IL1RAPL2: variants seen among roughly 807,000 people sequenced by gnomAD.
IL1RAPL2 encodes interleukin 1 receptor accessory protein like 2, also known as X-linked interleukin-1 receptor accessory protein-like 2.
Under a neutral mutation model 44.1 loss-of-function variants are expected in IL1RAPL2, and 3 were observed. The ratio of observed to expected loss-of-function variants is 0.07; its 90% CI spans 0.03 to 0.18. The LOEUF (loss-of-function observed/expected upper bound fraction) is 0.18, where lower values mean the gene tolerates loss of function less well. Among genes scored for constraint, IL1RAPL2 ranks in the 10% least tolerant of loss-of-function variants. The pLI is 1.00. For synonymous variants in IL1RAPL2, 181 were observed against 178.8 expected, an observed-to-expected ratio of 1.01 and a Z score of -0.10; for missense variants, 391 against 496.4, an observed-to-expected ratio of 0.79 and a Z score of 2.02.
chrX:105,125,774 C>T (rs73529903), intron 2 of IL1RAPL2, among the ~76,000 whole-genome samples: 6,404 of 109,979 alleles, frequency 0.058, 482 homozygotes, highest in African/African-American at 0.2. Context: ...GGAGAGCCAA[C>T]TTTTCCTATA....
chrX:104,645,508 C>A (rs754140701), intron 1 of IL1RAPL2, among the ~76,000 whole-genome samples: 28 of 112,016 alleles, frequency 2.5e-4, no homozygotes, highest in Middle Eastern at 4.6e-3. Flanking sequence ...CTTTTTAGAA[C>A]GATCTTTCCT....
At chrX:105,506,988 CTT>C (rs1172011965) in intron 6 of IL1RAPL2, among the ~76,000 whole-genome samples, 5 of 111,873 alleles carry the variant, frequency 4.5e-5, no homozygotes, top group African/African-American at 1.6e-4. Context: ...GAATTTCCCT[CTT>C]TCTTTCAACA....
rs192664932 is a variant in IL1RAPL2, at chrX:105,155,399, G to A, written c.83-40076G>A. Among the ~76,000 whole-genome samples, 226 of 111,073 alleles carry A rather than the reference G, an allele frequency of 2.0e-3. 1 individual carries two copies. The highest frequency in any genetic ancestry group is 7.1e-3 in the African/African-American group (217 of 30,536). On this transcript the variant is annotated intron_variant, in intron 2 of 10. Transcript: ENST00000372582. Reference sequence around the variant, plus strand: ...GGCATTTAAGATTGGGGAAAACTGGGTGAACAGAAGCTTGGGATGGAAATG... The same window carrying A: ...GGCATTTAAGATTGGGGAAAACTGGATGAACAGAAGCTTGGGATGGAAATG...
At chrX:105,111,213 T>C in intron 2 of IL1RAPL2, among the ~76,000 whole-genome samples, 1 of 112,091 alleles carries the variant, frequency 8.9e-6, no homozygotes, top group Non-Finnish European at 1.9e-5. Context: ...AAAATGTTTT[T>C]TAATCATTCA....
chrX:105,704,398 A>T (rs893669455), intron 6 of IL1RAPL2, among the ~76,000 whole-genome samples: 1 of 111,892 alleles, frequency 8.9e-6, no homozygotes, highest in African/African-American at 3.2e-5. Flanking sequence ...TAATGGTACC[A>T]TACATAGGCT....
chrX:105,275,140 G>A (rs1313924312), intron 5 of IL1RAPL2, among the ~76,000 whole-genome samples: 2 of 110,582 alleles, frequency 1.8e-5, no homozygotes, highest in African/African-American at 6.6e-5. Context: ...GAACTCGGGA[G>A]GTGGAGGTTA....
At chrX:104,819,874 G>T (rs1921252850) in intron 2 of IL1RAPL2, among the ~76,000 whole-genome samples, 1 of 111,260 alleles carries the variant, frequency 9.0e-6, no homozygotes, top group African/African-American at 3.3e-5. Context: ...TCTTGTTGAG[G>T]GCTGATTTTG....
intron 3 of IL1RAPL2, chrX:105,219,532 A>C (rs1478421656): frequency 5.8e-6 from 7 of 1,206,752 alleles, no homozygotes; most frequent in Non-Finnish European, 7.8e-6. Context: ...CTGGGTCTCC[A>C]TGGGGGCAGC....
chrX:105,280,056 G>T (rs769923802), intron 5 of IL1RAPL2, among the ~76,000 whole-genome samples: 1 of 112,121 alleles, frequency 8.9e-6, no homozygotes, highest in East Asian at 2.8e-4. Context: ...AACAAAAACA[G>T]CATGGTACTG....
At chrX:104,789,324 C>T (rs1283619036) in intron 2 of IL1RAPL2, among the ~76,000 whole-genome samples, 1 of 111,470 alleles carries the variant, frequency 9.0e-6, no homozygotes, top group Non-Finnish European at 1.9e-5. Flanking sequence ...TCTCCAGTGT[C>T]TATTTTGCCA....
At chrX:105,335,634 C>A (rs1182505774) in intron 5 of IL1RAPL2, among the ~76,000 whole-genome samples, 1 of 111,087 alleles carries the variant, frequency 9.0e-6, no homozygotes, top group African/African-American at 3.3e-5. Flanking sequence ...ACATATGAAA[C>A]CCATTTATAC....
intron 6 of IL1RAPL2, among the ~76,000 whole-genome samples, chrX:105,646,736 C>T (rs1035089652): frequency 2.7e-5 from 3 of 112,171 alleles, no homozygotes; most frequent in Non-Finnish European, 3.8e-5. Flanking sequence ...AAATCTGCCT[C>T]TCAGTTCTCT....
rs181989813 is a variant in IL1RAPL2 at position 104,978,497 on chromosome X, C to A, written c.83-216978C>A. 3.6e-5 allele frequency among the ~76,000 whole-genome samples: 4 copies of A among 112,184 alleles called. No individual in the cohort carries two copies. In the East Asian group the frequency reaches 1.1e-3, roughly 32 times the overall value. On this transcript the variant is annotated intron_variant, in intron 2 of 10. Coordinates refer to ENST00000372582, the MANE Select transcript of IL1RAPL2 (RefSeq NM_017416.2). ...TGAACCTCTGTTTAATTATGAAACTCTAAGAATATTCTCATTGATGTTGGA... is the reference window on the plus strand; with the variant it reads ...TGAACCTCTGTTTAATTATGAAACTATAAGAATATTCTCATTGATGTTGGA...
At chrX:104,721,620 C>T (rs954415451) in intron 2 of IL1RAPL2, among the ~76,000 whole-genome samples, 7 of 110,328 alleles carry the variant, frequency 6.3e-5, no homozygotes, top group Admixed American at 9.7e-5. Flanking sequence ...CAGCAAACCA[C>T]CATGACATAC....
At chrX:105,358,575 A>G (rs2035222837) in intron 5 of IL1RAPL2, among the ~76,000 whole-genome samples, 1 of 106,806 alleles carries the variant, frequency 9.4e-6, no homozygotes, top group Non-Finnish European at 1.9e-5. Context: ...ACTCAAGACG[A>G]TGAGGTGGAA....
chrX:105,158,201 C>CA (rs1397526465), intron 2 of IL1RAPL2, among the ~76,000 whole-genome samples: 17 of 49,665 alleles, frequency 3.4e-4, no homozygotes, highest in African/African-American at 1.2e-3. Flanking sequence ...ACTAAAAATA[C>CA]AAAAAAATTA....
chrX:105,560,449 A>C (rs1015442322), intron 6 of IL1RAPL2, among the ~76,000 whole-genome samples: 1 of 110,178 alleles, frequency 9.1e-6, no homozygotes, highest in Non-Finnish European at 1.9e-5. Context: ...AGGGAGTTTC[A>C]CTCTTGTCAC....
chrX:104,972,483 A>C (rs1047297242), intron 2 of IL1RAPL2, among the ~76,000 whole-genome samples: 6 of 111,768 alleles, frequency 5.4e-5, no homozygotes, highest in Non-Finnish European at 1.1e-4. Flanking sequence ...GAGGATTGCT[A>C]TCATTAGTTA....
chrX:104,921,761 C>T (rs769050105), intron 2 of IL1RAPL2, among the ~76,000 whole-genome samples: 9 of 112,668 alleles, frequency 8.0e-5, no homozygotes, highest in Non-Finnish European at 1.1e-4. Flanking sequence ...GCCATGGTTT[C>T]TGCCTCAGGG....
Sources: gnomAD v4.1 joint callset for allele counts (sites outside exome capture counted in the v4.1 genomes callset) on GRCh38, gnomAD v4.1.1 for gene constraint, MANE v1.5 for transcripts, NCBI Gene and HGNC (gene_info 2026-07-23, HGNC 2026-07-21) for gene names.